NSD1: variants seen among roughly 807,000 people sequenced by gnomAD.
NSD1 encodes the protein histone-lysine N-methyltransferase, H3 lysine-36 specific.
Under a neutral mutation model 242.7 loss-of-function variants are expected in NSD1, and 26 were observed. The observed-to-expected ratio is 0.11, with a 90% CI of 0.08 to 0.15. NSD1 has a LOEUF of 0.15. NSD1 is among the 10% of genes least tolerant of loss of function. The pLI is 1.00. For missense variants in NSD1, 2,495 were observed against 3,272.8 expected (o/e 0.76, Z 5.80); for synonymous variants, 1,106 against 1,178.1 (o/e 0.94, Z 1.25).
intron 3 of NSD1, among the ~76,000 whole-genome samples, chr5:177,202,729 T>C (rs1275888263): frequency 6.6e-6 from 1 of 152,196 alleles, no homozygotes. Flanking sequence ...AAATTGACTT[T>C]AAGAACCTCT....
At chr5:177,248,096 T>A (rs1766438620) in intron 10 of NSD1, 85 bp from the exon 11 acceptor site, 1 of 1,579,894 alleles carries the variant, frequency 6.3e-7, no homozygotes, top group East Asian at 2.3e-5. Flanking sequence ...GCTTAATGGC[T>A]AGACAAATAG....
intron 2 of NSD1, among the ~76,000 whole-genome samples, chr5:177,182,683 C>T (rs1038821275): frequency 6.6e-6 from 1 of 151,838 alleles, no homozygotes; most frequent in Non-Finnish European, 1.5e-5. Context: ...GTCACCTAGG[C>T]TGGAGTGCAA....
intron 14 of NSD1, chr5:177,266,029 G>A (rs758135473): frequency 9.6e-7 from 1 of 1,041,452 alleles, no homozygotes; most frequent in Non-Finnish European, 1.5e-6. Context: ...ATATATCGAA[G>A]CCATAAACGT....
rs1760403924 is a variant in NSD1, at chr5:177,298,765, G to A, written c.*3306G>A. On this transcript the variant is annotated 3_prime_UTR_variant, in exon 23 of 23. Transcript: ENST00000439151. ...TTGTAATTCTAATGTTGCCTCATGA[G>A]AACAGAATGGCAGAAAGTTTAGTCC... 2 of 233,186 alleles carry A rather than the reference G, an allele frequency of 8.6e-6. No individual in the cohort carries two copies. The highest frequency in any genetic ancestry group is 1.2e-4 in the East Asian group (2 of 16,606). The allele number at this position is 233,186 out of a possible 1,614,324, so 14.4% of individuals were successfully genotyped here.
chr5:177,291,894 C>A, intron 21 of NSD1, 60 bp from the exon 22 acceptor site: 1 of 1,487,918 alleles, frequency 6.7e-7, no homozygotes, highest in Non-Finnish European at 9.3e-7. Context: ...GTAGTTAACC[C>A]GGTTAAGATT....
At chr5:177,220,028 TCTG>T (rs891861452) in intron 5 of NSD1, among the ~76,000 whole-genome samples, 4 of 152,218 alleles carry the variant, frequency 2.6e-5, no homozygotes, top group African/African-American at 9.6e-5. Context: ...GAATGTGTAT[TCTG>T]CTGCTGTTTG....
chr5:177,226,104 T>G (rs1317695022), intron 5 of NSD1, among the ~76,000 whole-genome samples: 1 of 152,198 alleles, frequency 6.6e-6, no homozygotes. Flanking sequence ...TGGAGTGTGG[T>G]GGCACAATCT....
chr5:177,199,744 C>T (rs1236075550), intron 3 of NSD1, among the ~76,000 whole-genome samples: 2 of 151,814 alleles, frequency 1.3e-5, no homozygotes, highest in African/African-American at 4.8e-5. Flanking sequence ...GGATTACAGG[C>T]ACCTGCCACC....
At chr5:177,232,037 C>T (rs986858477) in intron 5 of NSD1, among the ~76,000 whole-genome samples, 46 of 152,170 alleles carry the variant, frequency 3.0e-4, no homozygotes, top group African/African-American at 1.1e-3. Flanking sequence ...GTAGCTGGGA[C>T]CGCAGGTGTG....
chr5:177,136,322 A>T, intron 2 of NSD1: 1 of 268,368 alleles, frequency 3.7e-6, no homozygotes, highest in Non-Finnish European at 7.1e-6. Flanking sequence ...AGGTATACAT[A>T]TATGATTAAA....
In NSD1 at chr5:177,294,973, G is replaced by C. The variant is rs2127283714; in HGVS notation, c.7605G>C (p.Gln2535His). 2 of 1,614,216 alleles carry C rather than the reference G, an allele frequency of 1.2e-6. No homozygotes were observed. Among genetic ancestry groups the C allele is most frequent in the Non-Finnish European group, 1.7e-6 (2 of 1,180,032 alleles). Residue 2535 changes from glutamine (Q) to histidine (H), a missense_variant, in exon 23 of 23, where the codon CAG (glutamine) becomes CAC (histidine). Gln to His is a conservative substitution (Grantham distance 24). Around this residue, in one of 19 missense-constraint regions of NSD1, gnomAD observed 475 missense variants for 563.7 expected, o/e 0.84. Transcript: ENST00000439151. ...GGCAAGCTGTTAAATCACTCACCCA[G>C]GCCAGACTTCTTTCTCAGCCTCCTG... ...DPWQAVKSLTQARLLSQPPAK... is the reference protein window; with the variant it reads ...DPWQAVKSLTHARLLSQPPAK...
chr5:177,194,100 A>G (rs1172277451), intron 3 of NSD1, among the ~76,000 whole-genome samples: 2 of 152,084 alleles, frequency 1.3e-5, no homozygotes, highest in African/African-American at 2.4e-5. Flanking sequence ...TTTTATATAC[A>G]TAATGTTTTT....
At chr5:177,147,835 C>T (rs745665396) in intron 2 of NSD1, among the ~76,000 whole-genome samples, 2 of 152,114 alleles carry the variant, frequency 1.3e-5, no homozygotes, top group Non-Finnish European at 2.9e-5. Context: ...AGTGATCTAC[C>T]TGCATTGGCC....
In NSD1 at chr5:177,269,506, C is replaced by A; in HGVS notation, c.5304-96C>A. The stretch of plus-strand genomic sequence containing the variant: ...TAAGATGGACTTTAATGTGGACAGA[C>A]AGACATTGCTAATCCTTACTTTTAT... On this transcript the variant is annotated intron_variant, in intron 15 of 22. Coordinates refer to ENST00000439151, the MANE Select transcript of NSD1 (RefSeq NM_022455.5). The surrounding 1 kb of genome is among the most constrained non-coding windows in gnomAD (Gnocchi z 5.1). 2 of 1,049,716 alleles carry A rather than the reference C, an allele frequency of 1.9e-6. No individual in the cohort carries two copies. Among genetic ancestry groups the A allele is most frequent in the Non-Finnish European group, 2.9e-6 (2 of 687,904 alleles). 65.0% of individuals were successfully genotyped at this position (1,049,716 alleles called of 1,614,324 possible). A position where few individuals can be genotyped will look rare whatever the true frequency, so the allele number is the denominator to read the frequency against.
At chr5:177,218,571 C>CTTTT (rs746124645) in intron 5 of NSD1, among the ~76,000 whole-genome samples, 2 of 140,572 alleles carry the variant, frequency 1.4e-5, no homozygotes, top group Non-Finnish European at 3.1e-5. Flanking sequence ...ATGTATATTT[C>CTTTT]TTTTTTTTTT....
chr5:177,151,941 A>C (rs1011842347), intron 2 of NSD1, among the ~76,000 whole-genome samples: 1 of 151,834 alleles, frequency 6.6e-6, no homozygotes. Context: ...GCTCACTGAA[A>C]GCTCCGCCTC....
chr5:177,229,916 G>T, intron 5 of NSD1: 1 of 176,494 alleles, frequency 5.7e-6, no homozygotes, highest in Non-Finnish European at 1.2e-5. Flanking sequence ...GCTAGTTTTT[G>T]TATTTTTAGT....
chr5:177,265,723 C>T, intron 14 of NSD1: 1 of 1,595,920 alleles, frequency 6.3e-7, no homozygotes, highest in Non-Finnish European at 8.6e-7. Context: ...TCAGGTAGTC[C>T]TCCATGTAGA....
At chr5:177,239,956 G>A (rs1268344450) in intron 8 of NSD1, 91 bp downstream of exon 8, 22 of 751,080 alleles carry the variant, frequency 2.9e-5, no homozygotes, top group Non-Finnish European at 4.9e-5. Context: ...TAACATTGAT[G>A]TACATACATA....
Sources: allele counts gnomAD v4.1 joint callset (sites outside exome capture counted in the v4.1 genomes callset), GRCh38; gene constraint gnomAD v4.1.1; regional missense constraint gnomAD v4.1.1; non-coding constraint Gnocchi (gnomAD v3.1); transcripts MANE v1.5; gene names NCBI Gene and HGNC (gene_info 2026-07-23, HGNC 2026-07-21).